Variants in CDAN1 observed in about 807,000 individuals in gnomAD.
The protein encoded by CDAN1 is codanin 1.
CDAN1 carries 107 observed loss-of-function variants against 139.8 expected under a neutral mutation model. The observed-to-expected ratio is 0.77, with a 90% CI of 0.65 to 0.90. The LOEUF is 0.90. Ranked by LOEUF, CDAN1 falls within the 40% of genes least tolerant of loss-of-function variation. The pLI, the probability that CDAN1 is intolerant of heterozygous loss-of-function variation, is 0.00. For synonymous variants in CDAN1, 776 were observed against 660.6 expected (o/e 1.17, Z -2.68); for missense variants, 1,667 against 1,575.7 (o/e 1.06, Z -0.98).
chr15:42,735,893 T>C lies in CDAN1; in HGVS notation c.755A>G (p.Glu252Gly), dbSNP rs761340270. The part of the protein sequence containing the change: ...PGCRSLQEER[E>G]MLRKERSKQL... ...GCCATACCGCTCCTTCCTGAGCATC[T>C]CTCGCTCCTCTTGCAGACTTCTGCA... Residue 252 changes from glutamate (E) to glycine (G), a missense_variant, in exon 3 of 28, where the codon GAG (glutamate) becomes GGG (glycine). Glu to Gly is a moderately conservative substitution (Grantham distance 98, BLOSUM62 -2). Coordinates refer to ENST00000356231, the MANE Select transcript of CDAN1 (RefSeq NM_138477.4). The C allele has an allele frequency of 6.2e-7, 1 of 1,614,092 alleles. No homozygotes were observed. The highest frequency in any genetic ancestry group is 8.5e-7 in the Non-Finnish European group (1 of 1,180,016).
intron 7 of CDAN1, 60 bp downstream of exon 7, chr15:42,734,166 T>C: frequency 1.9e-6 from 3 of 1,613,736 alleles, no homozygotes; most frequent in Non-Finnish European, 2.5e-6. Flanking sequence ...GTTGCCTGAA[T>C]TTATGAAAGC....
At position 42,727,987 on chromosome 15, in the gene CDAN1, T is replaced by G. The variant is rs1381239769; in HGVS notation, c.2915A>C (p.Lys972Thr). The stretch of plus-strand genomic sequence containing the variant: ...GTTGGCTGACAGCCAAGCACAGGCT[T>G]TCTCTGTTGCAAGCCCCACAGCAAT... ...ENIAVGLATE[K>T]ACAWLSANIT... is the part of the protein sequence containing the mutation. The change falls in exon 22 of 28, where the codon AAA (lysine) becomes ACA (threonine). Residue 972 changes from lysine to threonine, a missense_variant. Physicochemically the swap from Lys to Thr is moderately conservative, Grantham distance 78. Coordinates refer to ENST00000356231, the MANE Select transcript of CDAN1 (RefSeq NM_138477.4). The G allele has an allele frequency of 6.2e-7, 1 of 1,614,156 alleles. No individual in the cohort carries two copies. Among genetic ancestry groups the G allele is most frequent in the South Asian group, 1.1e-5 (1 of 91,088 alleles).
intron 9 of CDAN1, 93 bp from the exon 10 acceptor site, chr15:42,732,501 T>C: frequency 8.3e-7 from 1 of 1,198,868 alleles, no homozygotes; most frequent in South Asian, 1.2e-5. Flanking sequence ...TTCCCAGCCG[T>C]TTACCAGGGA....
intron 24 of CDAN1, 45 bp downstream of exon 24, chr15:42,726,265 A>C (rs1218132329): frequency 1.3e-6 from 2 of 1,594,348 alleles, no homozygotes; most frequent in Non-Finnish European, 8.6e-7. Context: ...GGTCTCACAC[A>C]AGGACACAGA....
At chr15:42,725,289 G>T (rs199778489) in intron 26 of CDAN1, 38 bp from the exon 27 acceptor site, 3 of 1,575,672 alleles carry the variant, frequency 1.9e-6, no homozygotes, top group Admixed American at 1.7e-5. Context: ...CTAGGAGGAC[G>T]ACAGAGTGAC....
rs1488892560 is a variant in CDAN1, at chr15:42,725,185, C to G, written c.3517G>C (p.Glu1173Gln). The change falls in exon 27 of 28, where the codon GAG (glutamate) becomes CAG (glutamine). Residue 1173 changes from glutamate (E) to glutamine (Q), a missense_variant. Physicochemically the swap from Glu to Gln is conservative, Grantham distance 29. This residue lies in a region of CDAN1 where 936 missense variants were observed against 844.1 expected (regional missense o/e 1.11). Transcript: ENST00000356231. Reference protein sequence around the residue: ...EKGLMGRMEIEACLGSLHQAQ... With the variant: ...EKGLMGRMEIQACLGSLHQAQ... ...TGGTGGAGGCTGCCCAGGCAGGCCT[C>G]TATCTCCATCCGTCCCATCAGACCC... 6.2e-7 allele frequency: 1 copy of G among 1,614,254 alleles called. No homozygotes were observed. Among genetic ancestry groups the G allele is most frequent in the Non-Finnish European group, 8.5e-7 (1 of 1,180,052 alleles).
At chr15:42,730,810 C>T in intron 13 of CDAN1, 46 bp from the exon 14 acceptor site, 2 of 1,612,990 alleles carry the variant, frequency 1.2e-6, no homozygotes, top group South Asian at 1.1e-5. Context: ...CTAGGAAGGG[C>T]TGGGAGATGC....
Position 42,731,107 on chromosome 15 carries a change from T to C in CDAN1, c.1861-36A>G, listed in dbSNP as rs551803385. On this transcript the variant is annotated intron_variant, in intron 12 of 27. Transcript: ENST00000356231. ...TCAAGGGAAGTAAAAGGTCCAAGCA[T>C]GAGGCTTCCAGAACAATTCCCGATC... 8 of 1,614,118 alleles carry C rather than the reference T, an allele frequency of 5.0e-6. No individual in the cohort carries two copies. In the Admixed American group the frequency reaches 1.2e-4, roughly 24 times the overall value.
rs2061559405 is a variant in CDAN1, at chr15:42,728,253, TTC to T, written c.2817_2818del (p.Lys940GlufsTer63). ...CAGCGCCCGCACAGCCCCAGGGCTC[TTC>T]CTTTGACAGAACCTAAAAGGGGACA... On this transcript the variant is annotated frameshift_variant, in exon 21 of 28. Transcript: ENST00000356231. LOFTEE classifies it high-confidence loss of function. The T allele has an allele frequency of 6.2e-7, 1 of 1,613,686 alleles. No individual in the cohort carries two copies.
Position 42,737,004 on chromosome 15 carries a change from C to T in CDAN1, c.90+9G>A, listed in dbSNP as rs377279542. The T allele has an allele frequency of 9.7e-6, 15 of 1,542,100 alleles. No individual in the cohort carries two copies. In the African/African-American group the frequency reaches 1.9e-4, roughly 20 times the overall value. ...CGAGTCAGACCTGGGGGCGTGTCAC[C>T]GCTGTTACCTCCGAACCCTGGGTGC... is the stretch of plus-strand genomic sequence containing the variant. On this transcript the variant is annotated intron_variant, in intron 1 of 27. Coordinates refer to ENST00000356231, the MANE Select transcript of CDAN1 (RefSeq NM_138477.4).
rs1252519977 is a variant in CDAN1 at position 42,736,044 on chromosome 15, C to G, written c.604G>C (p.Val202Leu). Reference protein sequence around the residue: ...KPSRRINPTPVSEERSLSKPK... With the variant: ...KPSRRINPTPLSEERSLSKPK... The stretch of plus-strand genomic sequence containing the variant: ...TTGGAGAGTGACCGCTCTTCGCTCA[C>G]CGGAGTTGGGTTGATCCTGCGAGAA... The change falls in exon 3 of 28, where the codon GTG becomes CTG. Residue 202 changes from valine to leucine, a missense_variant. Physicochemically the swap from Val to Leu is conservative, Grantham distance 32 (BLOSUM62 1). Around this residue, in one of 3 missense-constraint regions of CDAN1, gnomAD observed 487 missense variants for 422.2 expected, o/e 1.15. Coordinates refer to ENST00000356231, the MANE Select transcript of CDAN1 (RefSeq NM_138477.4). 1 of 1,614,060 alleles carries G rather than the reference C, an allele frequency of 6.2e-7. No individual in the cohort carries two copies. Among genetic ancestry groups the G allele is most frequent in the Non-Finnish European group, 8.5e-7 (1 of 1,180,028 alleles).
At chr15:42,727,517 A>G (rs2061545054) in intron 23 of CDAN1, 104 bp downstream of exon 23, 6 of 1,095,362 alleles carry the variant, frequency 5.5e-6, no homozygotes, top group Middle Eastern at 2.1e-4. Context: ...CAGCACAGAC[A>G]GCTTCTACAT....
At chr15:42,731,464 G>T in intron 11 of CDAN1, 133 bp from the exon 12 acceptor site, 1 of 1,441,842 alleles carries the variant, frequency 6.9e-7, no homozygotes, top group Non-Finnish European at 9.7e-7. Context: ...AATCACCCAC[G>T]TGGGTGACAG....
In CDAN1 at chr15:42,730,054, G is replaced by A. The variant is rs16957109; in HGVS notation, c.2262+74C>T. 9.4e-3 allele frequency: 13,377 copies of A among 1,416,024 alleles called. 669 individuals carry two copies. The African/African-American group carries it at 0.13, about 14-fold the overall frequency. 87.7% of individuals were successfully genotyped at this position (1,416,024 alleles called of 1,614,324 possible). On this transcript the variant is annotated intron_variant, in intron 15 of 27. Coordinates refer to ENST00000356231, the MANE Select transcript of CDAN1 (RefSeq NM_138477.4). ...TCGTCTTCCAGCCCTTGCCTCATTC[G>A]CACTCAGACATTTGCCCACTCCCCA...
chr15:42,736,573 G>C lies in CDAN1; in HGVS notation c.298C>G (p.Leu100Val). The part of the protein sequence containing the change: ...PRGSRGARSQ[L>V]FPPTEAQSTA... ...CTCTGGGCCTCGGTCGGAGGGAAAA[G>C]CTGGCTGCGCGCCCCGCGGCTACCC... The change falls in exon 2 of 28, where the codon CTT (leucine) becomes GTT (valine). Residue 100 changes from leucine (L) to valine (V), a missense_variant. Physicochemically the swap from Leu to Val is conservative, Grantham distance 32. Coordinates refer to ENST00000356231, the MANE Select transcript of CDAN1 (RefSeq NM_138477.4). 1.3e-6 allele frequency: 2 copies of C among 1,489,208 alleles called. No individual in the cohort carries two copies. The highest frequency in any genetic ancestry group is 1.8e-6 in the Non-Finnish European group (2 of 1,121,594). The allele number at this position is 1,489,208 out of a possible 1,614,324, so 92.2% of individuals were successfully genotyped here.
Position 42,724,394 on chromosome 15 carries a change from C to G in CDAN1, c.*97G>C. 6.7e-7 allele frequency: 1 copy of G among 1,498,896 alleles called. No homozygotes were observed. Among genetic ancestry groups the G allele is most frequent in the Non-Finnish European group, 9.0e-7 (1 of 1,110,232 alleles). The allele number at this position is 1,498,896 out of a possible 1,614,324, so 92.8% of individuals were successfully genotyped here. On this transcript the variant is annotated 3_prime_UTR_variant, in exon 28 of 28. Coordinates refer to ENST00000356231, the MANE Select transcript of CDAN1 (RefSeq NM_138477.4). ...GTCTGACTGTAGACCCAGCTACACC[C>G]CAACCAGTGAGGGTCTGCATTGGGC...
intron 10 of CDAN1, among the ~76,000 whole-genome samples, 163 bp downstream of exon 10, chr15:42,732,170 G>A (rs968975524): frequency 6.6e-6 from 1 of 152,204 alleles, no homozygotes; most frequent in African/African-American, 2.4e-5. Flanking sequence ...TGGCTTTTCT[G>A]TGGCCACTGG....
At position 42,723,787 on chromosome 15, in the gene CDAN1, A is replaced by T. The variant is rs1595846220; in HGVS notation, c.*704T>A. The T allele has an allele frequency of 6.5e-6, 1 of 154,216 alleles. No individual in the cohort carries two copies. The highest frequency in any genetic ancestry group is 2.0e-4 in the South Asian group (1 of 4,894). 9.6% of individuals were successfully genotyped at this position (154,216 alleles called of 1,614,324 possible). ...AGTGGTGCGACCTCGGCTCACTGCA[A>T]CCTCCACCTCCAGGTTCAAGCAGGT... On this transcript the variant is annotated 3_prime_UTR_variant, in exon 28 of 28. Transcript: ENST00000356231.
In CDAN1 at chr15:42,736,282, G is replaced by C. The variant is rs1177445838; in HGVS notation, c.569+20C>G. 3.7e-6 allele frequency: 6 copies of C among 1,612,966 alleles called. No homozygotes were observed. The African/African-American group carries it at 8.0e-5, about 22-fold the overall frequency. ...AGAGCCTTCGTGGTACCCATCTCCT[G>C]CATGAGAGCTGAGTCTCACCCTGTA... On this transcript the variant is annotated intron_variant, in intron 2 of 27. Transcript: ENST00000356231.
Sources: allele counts gnomAD v4.1 joint callset (sites outside exome capture counted in the v4.1 genomes callset), GRCh38; gene constraint gnomAD v4.1.1; regional missense constraint gnomAD v4.1.1; transcripts MANE v1.5; gene names NCBI Gene and HGNC (gene_info 2026-07-23, HGNC 2026-07-21).